Variants in AK5 observed in about 807,000 individuals in gnomAD.
AK5 encodes adenylate kinase isoenzyme 5.
In AK5, 27 loss-of-function variants were observed where a neutral mutation model predicts 69.5. That is an observed-to-expected ratio of 0.39 (90% confidence interval 0.29 to 0.54). AK5 has a LOEUF of 0.54. Ranked by LOEUF, AK5 falls within the 20% of genes least tolerant of loss-of-function variation. The pLI is 0.71. For missense variants in AK5, 531 were observed against 700.4 expected (o/e 0.76, Z 2.73); for synonymous variants, 260 against 244.4 (o/e 1.06, Z -0.60).
intron 8 of AK5, among the ~76,000 whole-genome samples, chr1:77,455,537 G>A (rs1653426156): frequency 6.6e-6 from 1 of 152,112 alleles, no homozygotes; most frequent in Non-Finnish European, 1.5e-5. Flanking sequence ...CATCATCTAT[G>A]AACAAAAAAA....
intron 11 of AK5, among the ~76,000 whole-genome samples, chr1:77,521,186 G>T (rs570314927): frequency 1.1e-4 from 16 of 151,694 alleles, no homozygotes; most frequent in Non-Finnish European, 2.4e-4. Flanking sequence ...CAGGCTGGAG[G>T]GCTGTGGCAG....
chr1:77,434,481 C>T (rs1236654991), intron 8 of AK5, among the ~76,000 whole-genome samples: 2 of 152,146 alleles, frequency 1.3e-5, no homozygotes, highest in African/African-American at 2.4e-5. Context: ...AAACTTAGAA[C>T]TTGACCCTAG....
At chr1:77,551,990 T>G (rs1005141798) in intron 13 of AK5, among the ~76,000 whole-genome samples, 1 of 152,210 alleles carries the variant, frequency 6.6e-6, no homozygotes, top group Non-Finnish European at 1.5e-5. Flanking sequence ...AGTCAAACTC[T>G]TAAACCTTCT....
At chr1:77,335,384 G>GT (rs11310843) in intron 5 of AK5, among the ~76,000 whole-genome samples, 2,277 of 134,284 alleles carry the variant, frequency 0.017, 23 homozygotes, top group South Asian at 0.019. Context: ...AGTTTTTTGG[G>GT]TTTTTTTTTT....
intron 2 of AK5, among the ~76,000 whole-genome samples, chr1:77,291,852 A>AT (rs1199654763): frequency 6.6e-6 from 1 of 152,214 alleles, no homozygotes; most frequent in Non-Finnish European, 1.5e-5. Flanking sequence ...TGTGCAGAGC[A>AT]TTAGAGTGAT....
intron 6 of AK5, among the ~76,000 whole-genome samples, chr1:77,397,012 C>A (rs1309183897): frequency 6.6e-6 from 1 of 152,180 alleles, no homozygotes; most frequent in Non-Finnish European, 1.5e-5. Flanking sequence ...AGACACATGC[C>A]CAGGGATTTC....
At position 77,522,887 on chromosome 1, in the gene AK5, G is replaced by GT. The variant is rs763492626; in HGVS notation, c.1428+953dup. On this transcript the variant is annotated intron_variant, in intron 12 of 13. Coordinates refer to ENST00000354567, the MANE Select transcript of AK5 (RefSeq NM_174858.3). ...AACATTTTTCATATACAGTTTTCTCGTTTTTTTTTAATAACCTTTTTAGAT... is the reference window on the plus strand; with the variant it reads ...AACATTTTTCATATACAGTTTTCTCGTTTTTTTTTTAATAACCTTTTTAGAT... Among the ~76,000 whole-genome samples, 140 of 151,096 alleles carry GT rather than the reference G, an allele frequency of 9.3e-4. 1 individual carries two copies. Among genetic ancestry groups the GT allele is most frequent in the South Asian group, 3.2e-3 (15 of 4,756 alleles).
chr1:77,378,066 G>A (rs916767937), intron 6 of AK5, among the ~76,000 whole-genome samples: 3 of 151,928 alleles, frequency 2.0e-5, no homozygotes, highest in Non-Finnish European at 2.9e-5. Flanking sequence ...CTCTAACATC[G>A]GGTATATGTC....
intron 13 of AK5, among the ~76,000 whole-genome samples, chr1:77,545,197 T>C (rs894235450): frequency 5.9e-5 from 9 of 152,194 alleles, no homozygotes; most frequent in Non-Finnish European, 1.2e-4. Flanking sequence ...TTGTGTATCC[T>C]TCCACCTCTC....
chr1:77,514,660 A>C (rs1203643024), intron 10 of AK5, among the ~76,000 whole-genome samples: 1 of 152,196 alleles, frequency 6.6e-6, no homozygotes, highest in Non-Finnish European at 1.5e-5. Flanking sequence ...CTCCCACGAA[A>C]GTTTCTAACT....
chr1:77,478,172 T>C (rs1244776469), intron 8 of AK5, among the ~76,000 whole-genome samples: 1 of 152,126 alleles, frequency 6.6e-6, no homozygotes, highest in Non-Finnish European at 1.5e-5. Context: ...ATCCATGAGG[T>C]TGCAGTGAGG....
In AK5 at chr1:77,297,918, G is replaced by A. The variant is rs1039783303; in HGVS notation, c.670G>A (p.Val224Ile). The change falls in exon 5 of 14, where the codon GTT (valine) becomes ATT (isoleucine). Residue 224 changes from valine to isoleucine, a missense_variant. By Grantham distance (29) the Val-to-Ile change is conservative (BLOSUM62 3). Transcript: ENST00000354567. ...GIVIDGFPRD[V>I]AQALSFEDQI... is the part of the protein sequence containing the mutation. ...TGTTATTGATGGATTTCCAAGAGAT[G>A]TTGCCCAGGCTCTATCTTTTGAGGA... 3.1e-6 allele frequency: 5 copies of A among 1,612,944 alleles called. No homozygotes were observed. The East Asian group carries it at 1.1e-4, about 36-fold the overall frequency.
In AK5 at chr1:77,535,994, A is replaced by G. The variant is rs1658941828; in HGVS notation, c.1576A>G (p.Ile526Val). Residue 526 changes from isoleucine to valine, a missense_variant, in exon 13 of 14, where the codon ATC becomes GTC. Physicochemically the swap from Ile to Val is conservative, Grantham distance 29. Transcript: ENST00000354567. The stretch of plus-strand genomic sequence containing the variant: ...CCTAGAAGCCTACTACCGAGCGTCC[A>G]TCCCCGTGATCGCCTACTACGAGAC... ...KRLEAYYRAS[I>V]PVIAYYETKT... 1 of 1,613,674 alleles carries G rather than the reference A, an allele frequency of 6.2e-7. No homozygotes were observed. Among genetic ancestry groups the G allele is most frequent in the South Asian group, 1.1e-5 (1 of 91,030 alleles).
chr1:77,367,569 A>ATTATATATATGTATGT (rs1462793828), intron 6 of AK5, among the ~76,000 whole-genome samples: 1 of 31,626 alleles, frequency 3.2e-5, no homozygotes, highest in Non-Finnish European at 6.3e-5. Context: ...ATATATATAT[A>ATTATATATATGTATGT]TATATATATA....
intron 13 of AK5, among the ~76,000 whole-genome samples, chr1:77,542,309 C>T (rs1279664710): frequency 3.9e-5 from 6 of 151,952 alleles, no homozygotes; most frequent in African/African-American, 7.3e-5. Context: ...GATGACAAAA[C>T]GAGACTCGGT....
intron 6 of AK5, among the ~76,000 whole-genome samples, chr1:77,406,069 C>A (rs751502134): frequency 6.6e-6 from 1 of 152,144 alleles, no homozygotes; most frequent in Non-Finnish European, 1.5e-5. Context: ...AGAAACAAAA[C>A]CCCTGTTAGT....
intron 10 of AK5, among the ~76,000 whole-genome samples, chr1:77,513,713 G>A (rs755606482): frequency 9.9e-5 from 15 of 152,174 alleles, no homozygotes; most frequent in African/African-American, 3.4e-4. Flanking sequence ...GGTGGCACTC[G>A]CCTGTAGTCC....
chr1:77,338,849 T>C (rs555692932), intron 5 of AK5, among the ~76,000 whole-genome samples: 1 of 152,362 alleles, frequency 6.6e-6, no homozygotes, highest in East Asian at 1.9e-4. Context: ...TTTATATTAT[T>C]TAATCTTCAT....
intron 13 of AK5, among the ~76,000 whole-genome samples, chr1:77,538,243 A>G (rs1659075087): frequency 6.6e-6 from 1 of 151,016 alleles, no homozygotes. Flanking sequence ...GGAGACTGAA[A>G]TGGGAGGATC....
Sources: gnomAD v4.1 joint callset for allele counts (sites outside exome capture counted in the v4.1 genomes callset) on GRCh38, gnomAD v4.1.1 for gene constraint, MANE v1.5 for transcripts, NCBI Gene and HGNC (gene_info 2026-07-23, HGNC 2026-07-21) for gene names.